The following SPECC1 variants were observed in gnomAD, a reference collection of about 807,000 sequenced individuals.
SPECC1 encodes the protein sperm antigen with calponin homology and coiled-coil domains 1.
In SPECC1, 62 loss-of-function variants were observed where a neutral mutation model predicts 104.1. The observed-to-expected ratio is 0.60, with a 90% CI of 0.49 to 0.74. The LOEUF is 0.74. Ranked by LOEUF, SPECC1 falls within the 30% of genes least tolerant of loss-of-function variation. SPECC1 has a pLI of 0.00. For missense variants in SPECC1, 1,306 were observed against 1,310.5 expected (o/e 1.00, Z 0.05); for synonymous variants, 513 against 501.6 (o/e 1.02, Z -0.30).
chr17:20,239,264 A>G (rs1279594179), intron 7 of SPECC1: 2 of 1,013,314 alleles, frequency 2.0e-6, no homozygotes, highest in Non-Finnish European at 1.2e-6. Context: ...TAGGTATACT[A>G]ATAACAAAAT....
chr17:20,168,434 G>A (rs2033833507), intron 3 of SPECC1, among the ~76,000 whole-genome samples: 1 of 152,028 alleles, frequency 6.6e-6, no homozygotes, highest in African/African-American at 2.4e-5. Flanking sequence ...ATTCCTGTTG[G>A]AATAGTCTGG....
intron 3 of SPECC1, among the ~76,000 whole-genome samples, chr17:20,197,768 AT>A (rs2036134347): frequency 6.6e-6 from 1 of 152,176 alleles, no homozygotes; most frequent in South Asian, 2.1e-4. Flanking sequence ...TTGCTGGCTT[AT>A]CTTGAAAAGT....
At chr17:20,257,285 C>A (rs1040114371) in intron 10 of SPECC1, among the ~76,000 whole-genome samples, 166 bp from the exon 11 acceptor site, 1 of 152,182 alleles carries the variant, frequency 6.6e-6, no homozygotes, top group East Asian at 1.9e-4. Context: ...TGTAGTGGTC[C>A]TGCCTGTAGA....
intron 1 of SPECC1, chr17:20,057,682 G>C (rs1156723215): frequency 2.0e-5 from 3 of 149,758 alleles, no homozygotes; most frequent in East Asian, 2.0e-4. Flanking sequence ...TGTAGAGACA[G>C]AGTTTTGCTA....
In SPECC1 at chr17:20,257,578, C is replaced by T; in HGVS notation, c.2808C>T (p.Thr936=). ...ACACAAGACTGCTGAGTGCTTCCAC[C>T]CGGGCATGGAAACCACAAAGCAAAC... ...FGDTRLLSAS[T]RAWKPQSKLS... The change falls in exon 11 of 15, where the codon ACC becomes ACT. Residue 936 remains threonine (T), a synonymous_variant. Coordinates refer to ENST00000395527, the MANE Select transcript of SPECC1 (RefSeq NM_001243439.2). The T allele has an allele frequency of 6.2e-7, 1 of 1,612,712 alleles. No individual in the cohort carries two copies. The highest frequency in any genetic ancestry group is 8.5e-7 in the Non-Finnish European group (1 of 1,179,710).
At chr17:20,078,092 A>G (rs746654420) in intron 1 of SPECC1, among the ~76,000 whole-genome samples, 3 of 151,478 alleles carry the variant, frequency 2.0e-5, no homozygotes, top group Non-Finnish European at 4.4e-5. Context: ...ATATATACAT[A>G]AAAAGACATA....
chr17:20,119,367 G>A (rs1030732979), intron 3 of SPECC1, among the ~76,000 whole-genome samples: 1 of 152,184 alleles, frequency 6.6e-6, no homozygotes, highest in African/African-American at 2.4e-5. Context: ...TGAGTAGCTG[G>A]GATTACAGGC....
At chr17:20,168,369 ACTG>A (rs2033828030) in intron 3 of SPECC1, among the ~76,000 whole-genome samples, 1 of 152,216 alleles carries the variant, frequency 6.6e-6, no homozygotes, top group Non-Finnish European at 1.5e-5. Context: ...TTAACATCAT[ACTG>A]TATGTCAGTA....
intron 11 of SPECC1, 95 bp from the exon 12 acceptor site, chr17:20,260,097 T>C: frequency 1.0e-6 from 1 of 957,060 alleles, no homozygotes; most frequent in Non-Finnish European, 1.5e-6. Flanking sequence ...TAAACTAGAC[T>C]TTTGCTTTTC....
intron 1 of SPECC1, among the ~76,000 whole-genome samples, chr17:20,044,389 A>G (rs907965716): frequency 6.6e-6 from 1 of 152,172 alleles, no homozygotes; most frequent in Non-Finnish European, 1.5e-5. Context: ...GGTGAATGGT[A>G]CTGGTTTTCA....
chr17:20,082,681 C>A (rs1406734935), intron 1 of SPECC1, among the ~76,000 whole-genome samples: 1 of 152,108 alleles, frequency 6.6e-6, no homozygotes, highest in Non-Finnish European at 1.5e-5. Context: ...CTAATCTTTT[C>A]TTATATGGAC....
chr17:20,308,534 T>A, intron 14 of SPECC1, among the ~76,000 whole-genome samples: 1 of 152,166 alleles, frequency 6.6e-6, no homozygotes, highest in Non-Finnish European at 1.5e-5. Flanking sequence ...AATGGACAGT[T>A]TTCTAGAAAA....
intron 2 of SPECC1, 125 bp downstream of exon 2, chr17:20,096,923 G>A (rs1423655138): frequency 2.7e-5 from 33 of 1,225,164 alleles, no homozygotes; most frequent in Non-Finnish European, 3.1e-5. Flanking sequence ...AGGAGGGGTC[G>A]CAGGAGGACC....
intron 3 of SPECC1, among the ~76,000 whole-genome samples, chr17:20,198,523 T>A (rs761296355): frequency 2.0e-5 from 3 of 152,226 alleles, no homozygotes; most frequent in African/African-American, 7.2e-5. Context: ...TGTACATACC[T>A]GACTCTGTCA....
intron 1 of SPECC1, among the ~76,000 whole-genome samples, chr17:20,012,486 G>C (rs2043977747): frequency 6.6e-6 from 1 of 150,644 alleles, no homozygotes; most frequent in South Asian, 2.1e-4. Context: ...TTGGTGAATT[G>C]TACCTTTTGG....
chr17:20,175,111 A>C (rs922652823), intron 3 of SPECC1, among the ~76,000 whole-genome samples: 1 of 152,104 alleles, frequency 6.6e-6, no homozygotes, highest in Non-Finnish European at 1.5e-5. Context: ...AGTTGTCAAG[A>C]AAGTGCGCCT....
intron 3 of SPECC1, among the ~76,000 whole-genome samples, chr17:20,166,944 C>CA (rs577385737): frequency 6.6e-6 from 1 of 150,886 alleles, no homozygotes; most frequent in East Asian, 1.9e-4. Flanking sequence ...ACCATCTGTA[C>CA]AAAAAAAAAT....
At chr17:20,313,381 T>C (rs1421224216) in intron 14 of SPECC1, among the ~76,000 whole-genome samples, 1 of 152,242 alleles carries the variant, frequency 6.6e-6, no homozygotes, top group Non-Finnish European at 1.5e-5. Flanking sequence ...GAGGGACTAG[T>C]TCGACAGAAG....
rs181111850 is a variant in SPECC1 at position 20,171,266 on chromosome 17, T to C, written c.284-33067T>C. 1.1e-3 allele frequency among the ~76,000 whole-genome samples: 162 copies of C among 152,280 alleles called. 1 individual carries two copies. Among genetic ancestry groups the C allele is most frequent in the Admixed American group, 1.1e-3 (17 of 15,298 alleles). ...GGCTCTGAGTGCTTTGTTTGCCTGT[T>C]TGTATTTGTGTTTCTGTGTTCCTCC... is the stretch of plus-strand genomic sequence containing the variant. On this transcript the variant is annotated intron_variant, in intron 3 of 14. Coordinates refer to ENST00000395527, the MANE Select transcript of SPECC1 (RefSeq NM_001243439.2).
Sources: allele counts gnomAD v4.1 joint callset (sites outside exome capture counted in the v4.1 genomes callset), GRCh38; gene constraint gnomAD v4.1.1; transcripts MANE v1.5; gene names NCBI Gene and HGNC (gene_info 2026-07-23, HGNC 2026-07-21).